Variants in TBC1D9B observed in about 807,000 individuals in gnomAD.
TBC1D9B encodes TBC1 domain family, member 9B (with GRAM domain).
Under a neutral mutation model 121.1 loss-of-function variants are expected in TBC1D9B, and 87 were observed. The observed-to-expected ratio is 0.72, with a 90% CI of 0.60 to 0.86. TBC1D9B has a LOEUF of 0.86. TBC1D9B is among the 40% of genes least tolerant of loss of function. TBC1D9B has a pLI of 0.00. For missense variants in TBC1D9B, 1,540 were observed against 1,628.6 expected, an observed-to-expected ratio of 0.95 and a Z score of 0.94; for synonymous variants, 668 against 670.1, an observed-to-expected ratio of 1.00 and a Z score of 0.05.
At position 179,907,893 on chromosome 5, in the gene TBC1D9B, A is replaced by AGCGT; in HGVS notation, c.-76_-73dup. ...CGCCGCCGTCGGCGTCCCGGAGCGG[A>AGCGT]GCGTGCGGAGCGGAGCGTGCGGAGC... On this transcript the variant is annotated 5_prime_UTR_variant, in exon 1 of 21. Coordinates refer to ENST00000355235, the MANE Select transcript of TBC1D9B (RefSeq NM_015043.4). The surrounding 1 kb of genome is among the most constrained non-coding windows in gnomAD (Gnocchi z 5.3). 1.2e-6 allele frequency: 1 copy of AGCGT among 862,522 alleles called. No homozygotes were observed. Among genetic ancestry groups the AGCGT allele is most frequent in the Non-Finnish European group, 1.4e-6 (1 of 725,234 alleles). 53.4% of individuals were successfully genotyped at this position (862,522 alleles called of 1,614,324 possible).
chr5:179,872,811 C>A lies in TBC1D9B; in HGVS notation c.2415+81G>T, dbSNP rs1047060445. On this transcript the variant is annotated intron_variant, in intron 14 of 20. Coordinates refer to ENST00000355235, the MANE Select transcript of TBC1D9B (RefSeq NM_015043.4). ...GTGTAGGAGACTGGGTGCGGTGGAG[C>A]CCTGTACCCACCCTGCTCTGTGGGG... 4 of 1,393,660 alleles carry A rather than the reference C, an allele frequency of 2.9e-6. No homozygotes were observed. In the African/African-American group the frequency reaches 4.3e-5, roughly 15 times the overall value. The allele number at this position is 1,393,660 out of a possible 1,614,324, so 86.3% of individuals were successfully genotyped here. A position where few individuals can be genotyped will look rare whatever the true frequency, so the allele number is the denominator to read the frequency against.
intron 8 of TBC1D9B, 85 bp from the exon 9 acceptor site, chr5:179,879,282 A>T: frequency 6.6e-7 from 1 of 1,513,934 alleles, no homozygotes; most frequent in Non-Finnish European, 8.8e-7. Context: ...CCTCGTGAAC[A>T]CTCCAGACAG....
Position 179,867,708 on chromosome 5 carries a change from G to A in TBC1D9B, c.2863+70C>T, listed in dbSNP as rs754712115. The A allele has an allele frequency of 2.5e-6, 4 of 1,598,100 alleles. No homozygotes were observed. The South Asian group carries it at 3.3e-5, about 13-fold the overall frequency. On this transcript the variant is annotated intron_variant, in intron 18 of 20. Coordinates refer to ENST00000355235, the MANE Select transcript of TBC1D9B (RefSeq NM_015043.4). ...GGTGGGACTGCTGGCCACTGCCCGA[G>A]CCCCACAGGAAGGCGGCGGTGGCTG...
At chr5:179,900,612 C>T (rs1176714126) in intron 2 of TBC1D9B, among the ~76,000 whole-genome samples, 2 of 152,196 alleles carry the variant, frequency 1.3e-5, no homozygotes, top group Non-Finnish European at 2.9e-5. Flanking sequence ...TTCCTGGAGC[C>T]TCTAATCACA....
rs1760297815 is a variant in TBC1D9B at position 179,874,399 on chromosome 5, G to C, written c.2186+503C>G. On this transcript the variant is annotated intron_variant, in intron 12 of 20. Coordinates refer to ENST00000355235, the MANE Select transcript of TBC1D9B (RefSeq NM_015043.4). This position sits in a 1 kb window ranked among gnomAD's most constrained non-coding sequence, Gnocchi z 4.3. ...AGAGATGGGATGTGGGGACTAAGGA[G>C]GGGGTGGAGGGGCTGGGATGACCCT... Among the ~76,000 whole-genome samples the C allele has an allele frequency of 6.6e-6, 1 of 152,262 alleles. No individual in the cohort carries two copies. The highest frequency in any genetic ancestry group is 1.9e-4 in the East Asian group (1 of 5,176).
chr5:179,906,243 A>G (rs1428930200), intron 1 of TBC1D9B, among the ~76,000 whole-genome samples: 1 of 152,222 alleles, frequency 6.6e-6, no homozygotes, highest in African/African-American at 2.4e-5. Flanking sequence ...GCCCTGTCAG[A>G]GGGCACAGCA....
chr5:179,896,418 G>A (rs1326155877), intron 3 of TBC1D9B, among the ~76,000 whole-genome samples: 6 of 152,094 alleles, frequency 3.9e-5, no homozygotes, highest in Non-Finnish European at 5.9e-5. Context: ...GTGAGCCACC[G>A]CGCCTAGCCA....
chr5:179,867,678 G>C (rs761951621), intron 18 of TBC1D9B, 100 bp downstream of exon 18: 5 of 1,561,418 alleles, frequency 3.2e-6, no homozygotes, highest in Non-Finnish European at 4.4e-6. Context: ...TGCTCCCTGA[G>C]CCCAGGTGGG....
chr5:179,888,941 A>C (rs1760775397), intron 6 of TBC1D9B, among the ~76,000 whole-genome samples: 1 of 151,974 alleles, frequency 6.6e-6, no homozygotes, highest in Admixed American at 6.5e-5. Flanking sequence ...CACAGCAGTC[A>C]CCCTGCAGAG....
chr5:179,880,975 G>T (rs942773375), intron 7 of TBC1D9B, among the ~76,000 whole-genome samples: 1 of 152,212 alleles, frequency 6.6e-6, no homozygotes, highest in African/African-American at 2.4e-5. Context: ...GCTGTGAGGT[G>T]CCTTGGAGGA....
Position 179,891,340 on chromosome 5 carries a change from G to T in TBC1D9B, c.1044+39C>A, listed in dbSNP as rs1159364584. 2 of 1,611,292 alleles carry T rather than the reference G, an allele frequency of 1.2e-6. No individual in the cohort carries two copies. The highest frequency in any genetic ancestry group is 3.3e-5 in the Admixed American group (2 of 59,990). On this transcript the variant is annotated intron_variant, in intron 6 of 20. Coordinates refer to ENST00000355235, the MANE Select transcript of TBC1D9B (RefSeq NM_015043.4). This position sits in a 1 kb window ranked among gnomAD's most constrained non-coding sequence, Gnocchi z 4.3. The stretch of plus-strand genomic sequence containing the variant: ...TCCCTGAGCCCACTGACACCTCGGG[G>T]CTGGAAAGGCCTTGGCCTCTCAACT...
chr5:179,878,166 GT>G, intron 10 of TBC1D9B, 142 bp downstream of exon 10: 1 of 885,086 alleles, frequency 1.1e-6, no homozygotes, highest in South Asian at 1.8e-5. Flanking sequence ...AATTAATACT[GT>G]TTTTAAATTA....
rs2113592399 is a variant in TBC1D9B at position 179,862,341 on chromosome 5, C to T, written c.*1107G>A. 9.2e-6 allele frequency: 3 copies of T among 327,198 alleles called. No homozygotes were observed. In the East Asian group the frequency reaches 2.3e-4, roughly 25 times the overall value. The allele number at this position is 327,198 out of a possible 1,614,324, so 20.3% of individuals were successfully genotyped here. A position where few individuals can be genotyped will look rare whatever the true frequency, so the allele number is the denominator to read the frequency against. On this transcript the variant is annotated 3_prime_UTR_variant, in exon 21 of 21. Transcript: ENST00000355235. The stretch of plus-strand genomic sequence containing the variant: ...CACTGGACACTGGTCAGTTTCAGCT[C>T]CTCATGCAAAGTGAGGGTATCCTTG...
intron 2 of TBC1D9B, 67 bp from the exon 3 acceptor site, chr5:179,899,374 G>C (rs958893361): frequency 2.1e-5 from 29 of 1,372,418 alleles, no homozygotes; most frequent in Admixed American, 1.7e-4. Context: ...CACATTCAAA[G>C]AAGCGAGATG....
intron 7 of TBC1D9B, among the ~76,000 whole-genome samples, chr5:179,883,117 C>A (rs1442928926): frequency 2.6e-5 from 4 of 152,160 alleles, no homozygotes; most frequent in Non-Finnish European, 5.9e-5. Context: ...CTTCAGCCTC[C>A]CAAAGTGCTG....
chr5:179,896,119 G>A lies in TBC1D9B; in HGVS notation c.349-1505C>T, dbSNP rs270331. Among the ~76,000 whole-genome samples the A allele has an allele frequency of 4.5e-3, 688 of 152,306 alleles. 4 individuals carry two copies. The highest frequency in any genetic ancestry group is 0.016 in the African/African-American group (659 of 41,558). ...TTTCCTGCCCTTGGAAGCATAAGCT[G>A]TTTTCGTCTGTCCTGTTATTGTTCT... On this transcript the variant is annotated intron_variant, in intron 3 of 20. Transcript: ENST00000355235.
intron 4 of TBC1D9B, 34 bp downstream of exon 4, chr5:179,894,352 G>T: frequency 6.4e-7 from 1 of 1,573,112 alleles, no homozygotes; most frequent in Non-Finnish European, 8.6e-7. Context: ...GGCTGAGGGT[G>T]TGGGGGCTGG....
At position 179,878,461 on chromosome 5, in the gene TBC1D9B, C is replaced by G; in HGVS notation, c.1630G>C (p.Gly544Arg). ...TCCTCTGTGGCCAGGCTGTACTTCC[C>G]GGTGGACTTCTCCACCAGCTCAGCA... Reference protein sequence around the residue: ...YYAELVEKSTGKYSLATEEIE... With the variant: ...YYAELVEKSTRKYSLATEEIE... Residue 544 changes from glycine (G) to arginine (R), a missense_variant, in exon 10 of 21, where the codon GGG (glycine) becomes CGG (arginine). Coordinates refer to ENST00000355235, the MANE Select transcript of TBC1D9B (RefSeq NM_015043.4). 6.2e-7 allele frequency: 1 copy of G among 1,612,350 alleles called. No homozygotes were observed. The highest frequency in any genetic ancestry group is 8.5e-7 in the Non-Finnish European group (1 of 1,179,312).
Position 179,891,660 on chromosome 5 carries a change from G to GGA in TBC1D9B, c.837-75_837-74insTC. Reference sequence around the variant, plus strand: ...CCAGCACACTCTCAAGGAAGCCTTGGGGCCTCCCCAGGCCTGTTTCCACAT... The same window carrying GGA: ...CCAGCACACTCTCAAGGAAGCCTTGGGAGGCCTCCCCAGGCCTGTTTCCACAT... On this transcript the variant is annotated intron_variant, in intron 5 of 20. Transcript: ENST00000355235. The surrounding 1 kb of genome is among the most constrained non-coding windows in gnomAD (Gnocchi z 4.3). 1 of 1,539,926 alleles carries GGA rather than the reference G, an allele frequency of 6.5e-7. No individual in the cohort carries two copies. Among genetic ancestry groups the GGA allele is most frequent in the Non-Finnish European group, 8.9e-7 (1 of 1,128,378 alleles).
Sources: gnomAD v4.1 joint callset for allele counts (sites outside exome capture counted in the v4.1 genomes callset) on GRCh38, gnomAD v4.1.1 for gene constraint, Gnocchi (gnomAD v3.1) non-coding constraint, MANE v1.5 for transcripts, NCBI Gene and HGNC (gene_info 2026-07-23, HGNC 2026-07-21) for gene names.